Variants in STAT3 observed in about 807,000 individuals in gnomAD.
STAT3 encodes the protein signal transducer and activator of transcription 3.
Under a neutral mutation model 114.3 loss-of-function variants are expected in STAT3, and 7 were observed. The ratio of observed to expected loss-of-function variants is 0.06; its 90% confidence interval spans 0.03 to 0.11. STAT3 has a LOEUF of 0.11. Ranked by LOEUF, STAT3 falls within the 10% of genes least tolerant of loss-of-function variation. STAT3 has a pLI of 1.00. For synonymous variants in STAT3, 331 were observed against 354.5 expected, an observed-to-expected ratio of 0.93 and a Z score of 0.74; for missense variants, 364 against 960.9, an observed-to-expected ratio of 0.38 and a Z score of 8.21.
intron 19 of STAT3, 27 bp downstream of exon 19, chr17:42,323,233 C>CAAA (rs2081558430): frequency 1.2e-6 from 2 of 1,614,070 alleles, no homozygotes; most frequent in Non-Finnish European, 1.7e-6. Flanking sequence ...GACTTGGTTA[C>CAAA]ATCTGTGCAC....
intron 4 of STAT3, among the ~76,000 whole-genome samples, chr17:42,344,552 T>A (rs533109445): frequency 2.0e-5 from 3 of 149,630 alleles, no homozygotes; most frequent in African/African-American, 4.9e-5. Flanking sequence ...CCATCTCTAC[T>A]AAAAAAAATA....
intron 6 of STAT3, 142 bp downstream of exon 6, chr17:42,338,589 T>G (rs987419494): frequency 6.8e-6 from 5 of 738,118 alleles, no homozygotes; most frequent in Non-Finnish European, 9.5e-6. Flanking sequence ...CTGTCCTTAA[T>G]GACCAGGCTC....
At chr17:42,383,496 C>A (rs1424151498) in intron 1 of STAT3, among the ~76,000 whole-genome samples, 2 of 152,134 alleles carry the variant, frequency 1.3e-5, no homozygotes, top group Admixed American at 1.3e-4. Context: ...AGCCACTGCT[C>A]CTGGCCCGAT....
At position 42,322,366 on chromosome 17, in the gene STAT3, G is replaced by A; in HGVS notation, c.2017C>T (p.Leu673Phe). 6.2e-7 allele frequency: 1 copy of A among 1,614,218 alleles called. No individual in the cohort carries two copies. Among genetic ancestry groups the A allele is most frequent in the Non-Finnish European group, 8.5e-7 (1 of 1,180,046 alleles). The change falls in exon 21 of 24, where the codon CTC (leucine) becomes TTC (phenylalanine). Residue 673 changes from leucine (L) to phenylalanine (F), a missense_variant. This residue lies in a region of STAT3 where 21 missense variants were observed against 43.2 expected (regional missense o/e 0.49). Transcript: ENST00000264657. ...TCCTCCTTGGGAATGTCAGGATAGA[G>A]ATAGACCAGTGGAGACACCAGGATA... ...TNILVSPLVY[L>F]YPDIPKEEAF...
chr17:42,384,935 G>A (rs2085012814), intron 1 of STAT3, among the ~76,000 whole-genome samples: 1 of 152,096 alleles, frequency 6.6e-6, no homozygotes, highest in Non-Finnish European at 1.5e-5. Flanking sequence ...GACAACTCCA[G>A]GCCTCATAAC....
chr17:42,328,334 A>G (rs946606411), intron 14 of STAT3, among the ~76,000 whole-genome samples: 2 of 152,330 alleles, frequency 1.3e-5, no homozygotes, highest in African/African-American at 2.4e-5. Context: ...ACATTTTCCC[A>G]TATCATTGCA....
chr17:42,361,470 C>T (rs932756365), intron 1 of STAT3, among the ~76,000 whole-genome samples: 2 of 145,878 alleles, frequency 1.4e-5, no homozygotes, highest in African/African-American at 5.1e-5. Flanking sequence ...GCAACAAGAG[C>T]AAAACTCTGT....
chr17:42,316,957 GAAAAA>G, intron 22 of STAT3, 56 bp from the exon 23 acceptor site: 1 of 1,227,650 alleles, frequency 8.1e-7, no homozygotes, highest in South Asian at 1.5e-5. Context: ...AGACACAATG[GAAAAA>G]AAAAAAAGAA....
intron 1 of STAT3, among the ~76,000 whole-genome samples, chr17:42,370,446 A>G (rs1454696021): frequency 2.0e-5 from 3 of 150,912 alleles, no homozygotes; most frequent in Non-Finnish European, 2.9e-5. Flanking sequence ...GGGTTTCACC[A>G]TATTGGCCAG....
intron 3 of STAT3, 119 bp from the exon 4 acceptor site, chr17:42,345,776 G>T: frequency 1.9e-6 from 2 of 1,027,064 alleles, no homozygotes; most frequent in Admixed American, 2.0e-5. Flanking sequence ...AGGAAACAAC[G>T]GAACAAAGGC....
chr17:42,382,649 T>C (rs1409602333), intron 1 of STAT3, among the ~76,000 whole-genome samples: 1 of 150,358 alleles, frequency 6.7e-6, no homozygotes, highest in East Asian at 1.9e-4. Flanking sequence ...AATCCTTTTT[T>C]TTTTCTTTTT....
chr17:42,385,143 C>T (rs1192873926), intron 1 of STAT3, among the ~76,000 whole-genome samples: 1 of 152,132 alleles, frequency 6.6e-6, no homozygotes, highest in Non-Finnish European at 1.5e-5. Context: ...ATCAGCTCCC[C>T]CAGTAGACTG....
intron 1 of STAT3, chr17:42,387,670 T>C (rs1450395190): frequency 6.6e-6 from 1 of 151,980 alleles, no homozygotes; most frequent in Non-Finnish European, 1.5e-5. Context: ...TGCGAGGGAA[T>C]TTAGAAAGAG....
chr17:42,342,563 G>A (rs1176250624), intron 4 of STAT3, among the ~76,000 whole-genome samples: 1 of 152,132 alleles, frequency 6.6e-6, no homozygotes, highest in Non-Finnish European at 1.5e-5. Context: ...GTCAGCAGCA[G>A]CAGAAAGCAG....
At chr17:42,363,616 T>C (rs1181964801) in intron 1 of STAT3, among the ~76,000 whole-genome samples, 1 of 137,708 alleles carries the variant, frequency 7.3e-6, no homozygotes, top group East Asian at 2.1e-4. Context: ...GATAATTTTC[T>C]TTTTTTTTTT....
intron 8 of STAT3, among the ~76,000 whole-genome samples, chr17:42,335,125 C>G (rs1475270856): frequency 1.4e-5 from 2 of 147,266 alleles, no homozygotes; most frequent in African/African-American, 5.4e-5. Context: ...TCTTTTCTTT[C>G]TTTCTTTTTT....
chr17:42,334,605 C>G (rs777935934), intron 8 of STAT3, among the ~76,000 whole-genome samples: 1 of 152,056 alleles, frequency 6.6e-6, no homozygotes, highest in Non-Finnish European at 1.5e-5. Flanking sequence ...CCACCACTCC[C>G]GGATAATTTT....
intron 12 of STAT3, 23 bp downstream of exon 12, chr17:42,329,724 G>T: frequency 1.2e-6 from 2 of 1,614,216 alleles, no homozygotes; most frequent in Non-Finnish European, 1.7e-6. Context: ...CGGAACAAAA[G>T]GAAGCCTCTA....
At position 42,345,513 on chromosome 17, in the gene STAT3, T is replaced by G. The variant is rs368679641; in HGVS notation, c.372+46A>C. On this transcript the variant is annotated intron_variant, in intron 4 of 23. Coordinates refer to ENST00000264657, the MANE Select transcript of STAT3 (RefSeq NM_139276.3). The stretch of plus-strand genomic sequence containing the variant: ...TTATCTCATTATAAAGTTGTTTGAT[T>G]TTCCATTCCTCCCAGACCAGGGATT... The G allele has an allele frequency of 7.6e-4, 1,147 of 1,519,172 alleles. 2 individuals carry two copies. Among genetic ancestry groups the G allele is most frequent in the Admixed American group, 1.4e-3 (77 of 53,286 alleles). The allele number at this position is 1,519,172 out of a possible 1,614,324, so 94.1% of individuals were successfully genotyped here.
Sources: allele counts gnomAD v4.1 joint callset (sites outside exome capture counted in the v4.1 genomes callset), GRCh38; gene constraint gnomAD v4.1.1; regional missense constraint gnomAD v4.1.1; transcripts MANE v1.5; gene names NCBI Gene and HGNC (gene_info 2026-07-23, HGNC 2026-07-21).